Variants in ARHGEF7 observed in about 807,000 individuals in gnomAD.
ARHGEF7 encodes the protein PAK-interacting exchange factor beta.
Under a neutral mutation model 109.8 loss-of-function variants are expected in ARHGEF7, and 33 were observed. The ratio of observed to expected loss-of-function variants is 0.30; its 90% confidence interval spans 0.23 to 0.40. The LOEUF is 0.40. Ranked by LOEUF, ARHGEF7 falls within the 10% of genes least tolerant of loss-of-function variation. ARHGEF7 has a pLI of 1.00. For synonymous variants in ARHGEF7, 458 were observed against 424.6 expected (o/e 1.08, Z -0.97); for missense variants, 938 against 1,098.5 (o/e 0.85, Z 2.07).
chr13:111,282,179 A>G lies in ARHGEF7; in HGVS notation c.1726-960A>G, dbSNP rs1270519047. 5.0e-5 allele frequency among the ~76,000 whole-genome samples: 4 copies of G among 80,300 alleles called. No individual in the cohort carries two copies. In the Admixed American group the frequency reaches 6.1e-4, roughly 12 times the overall value. 52.7% of individuals were successfully genotyped at this position (80,300 alleles called of 152,430 possible). A position where few individuals can be genotyped will look rare whatever the true frequency, so the allele number is the denominator to read the frequency against. ...GAAGTTGATGGCTTCTATTCTTGAA[A>G]TTGTGGCATTAGCTGCCGTCCCTCT... On this transcript the variant is annotated intron_variant, in intron 15 of 21. Coordinates refer to ENST00000646102, the MANE Select transcript of ARHGEF7 (RefSeq NM_001354046.2).
At chr13:111,117,308 G>A (rs745400057) in intron 1 of ARHGEF7, among the ~76,000 whole-genome samples, 35 of 152,188 alleles carry the variant, frequency 2.3e-4, no homozygotes, top group African/African-American at 7.7e-4. Context: ...CTAGAAAACC[G>A]TAGCGTTCAT....
In ARHGEF7 at chr13:111,303,196, A is replaced by C; in HGVS notation, c.*83A>C. 22 of 866,482 alleles carry C rather than the reference A, an allele frequency of 2.5e-5. No individual in the cohort carries two copies. Among genetic ancestry groups the C allele is most frequent in the Admixed American group, 2.8e-5 (1 of 35,832 alleles). 53.7% of individuals were successfully genotyped at this position (866,482 alleles called of 1,614,324 possible). On this transcript the variant is annotated 3_prime_UTR_variant, in exon 22 of 22. Coordinates refer to ENST00000646102, the MANE Select transcript of ARHGEF7 (RefSeq NM_001354046.2). ...TGACCCAAGTCGGGGTGCACTCAGG[A>C]CCACAGGGCAGGGCTGGGTGGGGCG...
intron 5 of ARHGEF7, among the ~76,000 whole-genome samples, chr13:111,221,536 T>G (rs2084312350): frequency 1.2e-5 from 1 of 82,694 alleles, no homozygotes; most frequent in South Asian, 4.2e-4. Context: ...TATATATCTA[T>G]ATATAGATAC....
At chr13:111,300,620 G>A (rs1178713534) in intron 19 of ARHGEF7, 128 bp from the exon 20 acceptor site, 3 of 622,742 alleles carry the variant, frequency 4.8e-6, no homozygotes, top group South Asian at 4.6e-5. Context: ...AGCTTGCCTG[G>A]ATGAACGTTT....
At chr13:111,189,208 A>T (rs1256700058) in intron 2 of ARHGEF7, among the ~76,000 whole-genome samples, 2 of 152,184 alleles carry the variant, frequency 1.3e-5, no homozygotes, top group Non-Finnish European at 2.9e-5. Flanking sequence ...CTCTTCTGTC[A>T]TATTTTGTCC....
intron 1 of ARHGEF7, among the ~76,000 whole-genome samples, chr13:111,124,134 C>G (rs1443305991): frequency 1.3e-5 from 2 of 152,194 alleles, no homozygotes; most frequent in African/African-American, 4.8e-5. Flanking sequence ...GAAGATTCCT[C>G]TCTTCCTGTG....
chr13:111,286,284 T>G (rs1448048759), intron 17 of ARHGEF7, 44 bp downstream of exon 17: 11 of 1,479,716 alleles, frequency 7.4e-6, no homozygotes, highest in African/African-American at 1.4e-5. Flanking sequence ...GGCCTCCTGG[T>G]CACGTAGGCC....
rs536963865 is a variant in ARHGEF7 at position 111,270,618 on chromosome 13, T to C, written c.1073+2948T>C. On this transcript the variant is annotated intron_variant, in intron 9 of 21. Coordinates refer to ENST00000646102, the MANE Select transcript of ARHGEF7 (RefSeq NM_001354046.2). ...AGTGGTGATGAGGGTAACTGTTTAG[T>C]TTTGTTAGTTTTTCTCTGCTGTACC... Among the ~76,000 whole-genome samples the C allele has an allele frequency of 6.8e-4, 103 of 152,232 alleles. 1 individual carries two copies. The highest frequency in any genetic ancestry group is 9.1e-4 in the Non-Finnish European group (62 of 68,022).
rs59942856 is a variant in ARHGEF7 at position 111,198,720 on chromosome 13, G to A, written c.253-6569G>A. Among the ~76,000 whole-genome samples the A allele has an allele frequency of 3.9e-5, 6 of 152,180 alleles. No homozygotes were observed. In the East Asian group the frequency reaches 1.2e-3, roughly 29 times the overall value. ...GCAGCAGCAAGATTTATTGTGAAGA[G>A]CAAAAGAACAAAGCTTCCACAGTGT... On this transcript the variant is annotated intron_variant, in intron 2 of 21. Coordinates refer to ENST00000646102, the MANE Select transcript of ARHGEF7 (RefSeq NM_001354046.2).
chr13:111,176,870 C>T (rs1241505661), intron 2 of ARHGEF7, among the ~76,000 whole-genome samples: 1 of 152,242 alleles, frequency 6.6e-6, no homozygotes, highest in Non-Finnish European at 1.5e-5. Flanking sequence ...GATTCTCCTG[C>T]CTCAGCCTCC....
chr13:111,176,234 G>A, intron 2 of ARHGEF7, among the ~76,000 whole-genome samples: 1 of 152,238 alleles, frequency 6.6e-6, no homozygotes, highest in East Asian at 1.9e-4. Flanking sequence ...GAAGCTGCTG[G>A]AGGATTTTAA....
chr13:111,137,151 A>G (rs993937138), intron 1 of ARHGEF7, among the ~76,000 whole-genome samples: 3 of 152,240 alleles, frequency 2.0e-5, no homozygotes, highest in African/African-American at 7.2e-5. Flanking sequence ...TTCACAGCCA[A>G]ATTCTACCAG....
rs766197542 is a variant in ARHGEF7 at position 111,273,970 on chromosome 13, T to A, written c.1212+18T>A. Reference sequence around the variant, plus strand: ...ACATGGAGGTACTGCGCTTTCATTCTCTTACTTGGAGTCCTTACCAAGGGT... The same window carrying A: ...ACATGGAGGTACTGCGCTTTCATTCACTTACTTGGAGTCCTTACCAAGGGT... On this transcript the variant is annotated intron_variant, in intron 10 of 21. Transcript: ENST00000646102. The surrounding 1 kb of genome is among the most constrained non-coding windows in gnomAD (Gnocchi z 4.5). The A allele has an allele frequency of 1.9e-6, 3 of 1,613,208 alleles. No homozygotes were observed. The South Asian group carries it at 3.3e-5, about 18-fold the overall frequency.
At chr13:111,232,492 C>A (rs561304360) in intron 5 of ARHGEF7, among the ~76,000 whole-genome samples, 129 of 152,292 alleles carry the variant, frequency 8.5e-4, no homozygotes, top group African/African-American at 3.0e-3. Context: ...ATGCATGGTG[C>A]CAGGTTTTGT....
rs530853264 is a variant in ARHGEF7 at position 111,275,963 on chromosome 13, G to C, written c.1419+285G>C. On this transcript the variant is annotated intron_variant, in intron 12 of 21. Transcript: ENST00000646102. Reference sequence around the variant, plus strand: ...ATAGTGTGCAGAAAGACTTGCAGGAGTCCTGTGCACACATCCGCATGGAGC... The same window carrying C: ...ATAGTGTGCAGAAAGACTTGCAGGACTCCTGTGCACACATCCGCATGGAGC... 5.1e-5 allele frequency: 21 copies of C among 408,186 alleles called. 1 individual carries two copies. Among genetic ancestry groups the C allele is most frequent in the Non-Finnish European group, 7.4e-5 (16 of 215,774 alleles). 25.3% of individuals were successfully genotyped at this position (408,186 alleles called of 1,614,324 possible). A position where few individuals can be genotyped will look rare whatever the true frequency, so the allele number is the denominator to read the frequency against.
In ARHGEF7 at chr13:111,267,535, C is replaced by G; in HGVS notation, c.951-13C>G. The G allele has an allele frequency of 3.7e-6, 6 of 1,613,382 alleles. No individual in the cohort carries two copies. The highest frequency in any genetic ancestry group is 5.1e-6 in the Non-Finnish European group (6 of 1,179,632). On this transcript the variant is annotated splice_polypyrimidine_tract_variant and intron_variant, in intron 8 of 21. Transcript: ENST00000646102. The stretch of plus-strand genomic sequence containing the variant: ...AACTGATGACTATTTCCCTTTGTGT[C>G]GCATTTCTCCAGGTTGCCCGAAGCT...
chr13:111,164,528 G>A (rs1219073196), intron 2 of ARHGEF7, among the ~76,000 whole-genome samples: 1 of 152,250 alleles, frequency 6.6e-6, no homozygotes, highest in African/African-American at 2.4e-5. Context: ...GTTGCCATCA[G>A]AAACTCTTAA....
intron 2 of ARHGEF7, among the ~76,000 whole-genome samples, chr13:111,175,419 C>T (rs2078045488): frequency 6.6e-6 from 1 of 152,196 alleles, no homozygotes; most frequent in Admixed American, 6.5e-5. Flanking sequence ...CCTGGGAGCA[C>T]CTCTCTGGGG....
Position 111,266,921 on chromosome 13 carries a change from T to G in ARHGEF7, c.951-627T>G. ...GTACCCCGTTAGGCACACCCAACAC[T>G]GAGGCGGCACCACCAGGGGCCCTGA... On this transcript the variant is annotated intron_variant, in intron 8 of 21. Transcript: ENST00000646102. This position sits in a 1 kb window ranked among gnomAD's most constrained non-coding sequence, Gnocchi z 4.8. The G allele has an allele frequency of 2.2e-6, 1 of 455,888 alleles. No homozygotes were observed. The highest frequency in any genetic ancestry group is 4.4e-6 in the Non-Finnish European group (1 of 226,636). 28.2% of individuals were successfully genotyped at this position (455,888 alleles called of 1,614,324 possible). A position where few individuals can be genotyped will look rare whatever the true frequency, so the allele number is the denominator to read the frequency against.
Sources: allele counts gnomAD v4.1 joint callset (sites outside exome capture counted in the v4.1 genomes callset), GRCh38; gene constraint gnomAD v4.1.1; non-coding constraint Gnocchi (gnomAD v3.1); transcripts MANE v1.5; gene names NCBI Gene and HGNC (gene_info 2026-07-23, HGNC 2026-07-21).